The following UGT1A5 variants were observed in gnomAD, a reference collection of about 807,000 sequenced individuals.
UGT1A5 encodes UDP glucuronosyltransferase family 1 member A5, also known as UDP-glucuronosyltransferase 1A5.
A neutral mutation model predicts 40.3 loss-of-function variants in UGT1A5; 29 were observed. That is an observed-to-expected ratio of 0.72 (90% CI 0.54 to 0.98). UGT1A5 has a LOEUF of 0.98. Ranked by LOEUF, UGT1A5 falls within the 50% of genes least tolerant of loss-of-function variation. The pLI is 0.00. For missense variants in UGT1A5, 678 were observed against 677.9 expected, an observed-to-expected ratio of 1.00 and a Z score of 0.00; for synonymous variants, 257 against 262.5, an observed-to-expected ratio of 0.98 and a Z score of 0.20.
rs554048784 is a variant in UGT1A5, at chr2:233,732,559, A to G, written c.867+18701A>G. ...TTTTCCCAGCACCATTTATTAAATA[A>G]GGAATCCTTTCCCCATTGCTTGTTT... On this transcript the variant is annotated intron_variant, in intron 1 of 4. Coordinates refer to ENST00000373414, the MANE Select transcript of UGT1A5 (RefSeq NM_019078.2). Among the ~76,000 whole-genome samples the G allele has an allele frequency of 2.5e-3, 374 of 152,298 alleles. 2 individuals are homozygous for G. The highest frequency in any genetic ancestry group is 8.6e-3 in the African/African-American group (358 of 41,564).
intron 1 of UGT1A5, among the ~76,000 whole-genome samples, chr2:233,752,171 G>A (rs1336232019): frequency 2.6e-5 from 4 of 152,222 alleles, no homozygotes; most frequent in Non-Finnish European, 2.9e-5. Context: ...AGTGTGTGAT[G>A]TAAGCTGAAT....
intron 1 of UGT1A5, among the ~76,000 whole-genome samples, chr2:233,766,718 A>C (rs1196148509): frequency 6.6e-6 from 1 of 152,074 alleles, no homozygotes; most frequent in East Asian, 1.9e-4. Flanking sequence ...CTCTAAGTGG[A>C]ATTATCACTG....
At chr2:233,737,721 C>CA (rs1559381748) in intron 1 of UGT1A5, among the ~76,000 whole-genome samples, 2 of 151,324 alleles carry the variant, frequency 1.3e-5, no homozygotes, top group Non-Finnish European at 3.0e-5. Flanking sequence ...CCAACACCTC[C>CA]TTTTTTTTTC....
chr2:233,746,269 G>A (rs1473358649), intron 1 of UGT1A5, among the ~76,000 whole-genome samples: 3 of 151,774 alleles, frequency 2.0e-5, no homozygotes, highest in South Asian at 2.1e-4. Flanking sequence ...ACAAAACGCT[G>A]TGGGGATTCA....
At position 233,773,293 on chromosome 2, in the gene UGT1A5, A is replaced by C. The variant is rs1290134629; in HGVS notation, c.*734A>C. The C allele has an allele frequency of 1.3e-5, 2 of 152,208 alleles. No homozygotes were observed. Among genetic ancestry groups the C allele is most frequent in the African/African-American group, 4.8e-5 (2 of 41,466 alleles). The allele number at this position is 152,208 out of a possible 1,614,324, so 9.4% of individuals were successfully genotyped here. ...TAAAAATAAATTAATAAATTTATAT[A>C]AATTCTATTTAAGTGTTTTCACTGG... is the stretch of plus-strand genomic sequence containing the variant. On this transcript the variant is annotated 3_prime_UTR_variant, in exon 5 of 5. Transcript: ENST00000373414.
chr2:233,760,032 T>C (rs1193675988), intron 1 of UGT1A5, among the ~76,000 whole-genome samples: 1 of 152,208 alleles, frequency 6.6e-6, no homozygotes, highest in Non-Finnish European at 1.5e-5. Context: ...GTTCTGGAAG[T>C]ACTTTGCTGT....
chr2:233,772,912 C>A lies in UGT1A5; in HGVS notation c.*353C>A. 2.6e-6 allele frequency: 1 copy of A among 388,966 alleles called. No individual in the cohort carries two copies. The highest frequency in any genetic ancestry group is 4.5e-6 in the Non-Finnish European group (1 of 221,770). The allele number at this position is 388,966 out of a possible 1,614,324, so 24.1% of individuals were successfully genotyped here. ...GGTGGTCCCACGGCTGCCCCTACTGCAAATGGCAGTTTTAATCTTATCTTT... is the reference window on the plus strand; with the variant it reads ...GGTGGTCCCACGGCTGCCCCTACTGAAAATGGCAGTTTTAATCTTATCTTT... On this transcript the variant is annotated 3_prime_UTR_variant, in exon 5 of 5. Coordinates refer to ENST00000373414, the MANE Select transcript of UGT1A5 (RefSeq NM_019078.2).
At chr2:233,724,172 A>G (rs2077183283) in intron 1 of UGT1A5, among the ~76,000 whole-genome samples, 1 of 105,510 alleles carries the variant, frequency 9.5e-6, no homozygotes. Flanking sequence ...TGACCCCCCC[A>G]TCTCCCTCCC....
rs555064194 is a variant in UGT1A5 at position 233,744,160 on chromosome 2, C to T, written c.868-22874C>T. ...TGTGATGCTCCAAGACCAGGCCCCG[C>T]CCACTCCGGCCTCCAACCAGCCATG... On this transcript the variant is annotated intron_variant, in intron 1 of 4. Coordinates refer to ENST00000373414, the MANE Select transcript of UGT1A5 (RefSeq NM_019078.2). 16 of 294,652 alleles carry T rather than the reference C, an allele frequency of 5.4e-5. No homozygotes were observed. In the East Asian group the frequency reaches 1.5e-3, roughly 28 times the overall value. 18.3% of individuals were successfully genotyped at this position (294,652 alleles called of 1,614,324 possible).
In UGT1A5 at chr2:233,768,066, C is replaced by T; in HGVS notation, c.1087+130C>T. The T allele has an allele frequency of 1.9e-6, 3 of 1,597,468 alleles. No homozygotes were observed. In the Admixed American group the frequency reaches 5.2e-5, roughly 28 times the overall value. On this transcript the variant is annotated intron_variant, in intron 3 of 4. Coordinates refer to ENST00000373414, the MANE Select transcript of UGT1A5 (RefSeq NM_019078.2). ...CAACATATCCTACATTGCTTTTTAT[C>T]TAGTGGGGTATCTCAACCCACATTT...
intron 4 of UGT1A5, chr2:233,770,806 G>A (rs1700161628): frequency 6.6e-6 from 1 of 152,116 alleles, no homozygotes; most frequent in Admixed American, 6.5e-5. Context: ...TTTAAAGACA[G>A]TGTATTAGGC....
rs747443609 is a variant in UGT1A5 at position 233,768,266 on chromosome 2, T to C, written c.1134T>C (p.Gly378=). 6.8e-6 allele frequency: 11 copies of C among 1,614,024 alleles called. No individual in the cohort carries two copies. Among genetic ancestry groups the C allele is most frequent in the Non-Finnish European group, 9.3e-6 (11 of 1,180,038 alleles). ...TTATCACCCATGCTGGTTCCCATGG[T>C]GTTTATGAAAGCATATGCAATGGCG... is the stretch of plus-strand genomic sequence containing the variant. The part of the protein sequence containing the change: ...RAFITHAGSH[G]VYESICNGVP... The change falls in exon 4 of 5, where the codon GGT becomes GGC. Residue 378 remains glycine, a synonymous_variant. Coordinates refer to ENST00000373414, the MANE Select transcript of UGT1A5 (RefSeq NM_019078.2).
intron 1 of UGT1A5, chr2:233,743,548 C>T (rs61744897): frequency 1.5e-6 from 2 of 1,367,296 alleles, no homozygotes; most frequent in Non-Finnish European, 2.0e-6. Flanking sequence ...CTGACCCCCC[C>T]AAAATATTCT....
At chr2:233,719,615 C>A (rs2076787703) in intron 1 of UGT1A5, 1 of 1,614,016 alleles carries the variant, frequency 6.2e-7, no homozygotes, top group Non-Finnish European at 8.5e-7. Flanking sequence ...TGATGGACTA[C>A]CCCAGGCCGA....
At chr2:233,726,154 A>C (rs1401315695) in intron 1 of UGT1A5, among the ~76,000 whole-genome samples, 3 of 152,336 alleles carry the variant, frequency 2.0e-5, no homozygotes, top group Middle Eastern at 3.4e-3. Flanking sequence ...TGACAGAGTG[A>C]GGCCCCATTT....
chr2:233,761,222 C>T, intron 1 of UGT1A5: 1 of 1,613,374 alleles, frequency 6.2e-7, no homozygotes, highest in Admixed American at 1.7e-5. Flanking sequence ...GATTAACTAG[C>T]CCCAGATATA....
At chr2:233,724,735 G>C (rs978889272) in intron 1 of UGT1A5, among the ~76,000 whole-genome samples, 4 of 144,116 alleles carry the variant, frequency 2.8e-5, no homozygotes, top group Non-Finnish European at 4.5e-5. Flanking sequence ...AGGCAGAGGG[G>C]CTCCTCACAT....
chr2:233,730,885 G>C (rs948643464), intron 1 of UGT1A5, among the ~76,000 whole-genome samples: 12 of 152,158 alleles, frequency 7.9e-5, no homozygotes, highest in South Asian at 2.1e-4. Flanking sequence ...TTTCTATAGT[G>C]GGATCTACTC....
chr2:233,737,607 T>A (rs970268869), intron 1 of UGT1A5, among the ~76,000 whole-genome samples: 49 of 152,170 alleles, frequency 3.2e-4, no homozygotes, highest in African/African-American at 1.2e-3. Flanking sequence ...GGTACCTCAG[T>A]TGGAAATGCA....
Sources: gnomAD v4.1 joint callset for allele counts (sites outside exome capture counted in the v4.1 genomes callset) on GRCh38, gnomAD v4.1.1 for gene constraint, MANE v1.5 for transcripts, NCBI Gene and HGNC (gene_info 2026-07-23, HGNC 2026-07-21) for gene names.